LRRCC1: variants seen among roughly 807,000 people sequenced by gnomAD.
LRRCC1 encodes the protein leucine-rich repeat and coiled-coil domain-containing protein 1.
LRRCC1 carries 115 observed loss-of-function variants against 126.0 expected under a neutral mutation model. The observed-to-expected ratio is 0.91, with a 90% confidence interval of 0.78 to 1.07. The LOEUF (loss-of-function observed/expected upper bound fraction) is 1.07, where lower values mean the gene tolerates loss of function less well. Ranked by LOEUF, LRRCC1 falls within the 50% of genes least tolerant of loss-of-function variation. The pLI is 0.00. For synonymous variants in LRRCC1, 400 were observed against 393.4 expected, an observed-to-expected ratio of 1.02 and a Z score of -0.20; for missense variants, 1,172 against 1,175.7, an observed-to-expected ratio of 1.00 and a Z score of 0.05.
Position 85,129,390 on chromosome 8 carries a change from A to T in LRRCC1, c.1626+11A>T. On this transcript the variant is annotated intron_variant, in intron 10 of 18. Transcript: ENST00000360375. ...CAGCAGGCAGCACAGGTATTTCTCTATTTTAATATATGAGTAGCACAGATT... is the reference window on the plus strand; with the variant it reads ...CAGCAGGCAGCACAGGTATTTCTCTTTTTTAATATATGAGTAGCACAGATT... 6.3e-7 allele frequency: 1 copy of T among 1,586,636 alleles called. No individual in the cohort carries two copies. The highest frequency in any genetic ancestry group is 2.2e-5 in the East Asian group (1 of 44,744).
chr8:85,107,442 A>C (rs1355612031), intron 1 of LRRCC1, 43 bp downstream of exon 1: 1 of 1,519,466 alleles, frequency 6.6e-7, no homozygotes, highest in Non-Finnish European at 9.0e-7. Context: ...CGCACTCCCC[A>C]GAGCCGGGGC....
intron 18 of LRRCC1, among the ~76,000 whole-genome samples, chr8:85,144,482 T>A (rs1218263898): frequency 7.0e-6 from 1 of 141,990 alleles, no homozygotes; most frequent in East Asian, 2.1e-4. Flanking sequence ...ATATTTTTTT[T>A]TTTTTTGAGA....
Position 85,141,368 on chromosome 8 carries a change from C to T in LRRCC1, c.2841-14C>T, listed in dbSNP as rs1308365185. The stretch of plus-strand genomic sequence containing the variant: ...ATATACACATATATATGTGGATGTT[C>T]TTGTTTTTTTAAGGAATGCAATGGA... On this transcript the variant is annotated splice_polypyrimidine_tract_variant and intron_variant, in intron 17 of 18. Coordinates refer to ENST00000360375, the MANE Select transcript of LRRCC1 (RefSeq NM_033402.5). The T allele has an allele frequency of 1.2e-6, 2 of 1,603,864 alleles. No homozygotes were observed. Among genetic ancestry groups the T allele is most frequent in the East Asian group, 2.2e-5 (1 of 44,688 alleles).
At position 85,129,325 on chromosome 8, in the gene LRRCC1, C is replaced by T. The variant is rs375521750; in HGVS notation, c.1572C>T (p.Leu524=). 1.1e-5 allele frequency: 17 copies of T among 1,611,672 alleles called. No homozygotes were observed. The highest frequency in any genetic ancestry group is 3.4e-5 in the Admixed American group (2 of 59,604). The change falls in exon 10 of 19, where the codon CTC becomes CTT. Residue 524 remains leucine (L), a synonymous_variant. Transcript: ENST00000360375. The part of the protein sequence containing the change: ...QEDHLKHLRT[L]EKTLEKMERQ... ...ATCACCTTAAACACTTAAGAACCCT[C>T]GAAAAAACATTAGAAAAAATGGAGA...
At chr8:85,107,561 G>A in intron 1 of LRRCC1, 162 bp downstream of exon 1, 1 of 569,790 alleles carries the variant, frequency 1.8e-6, no homozygotes. Context: ...AAACTTACCT[G>A]CCGAAGTGCC....
In LRRCC1 at chr8:85,137,639, A is replaced by G. The variant is rs756488688; in HGVS notation, c.2493+12A>G. 1 of 1,422,384 alleles carries G rather than the reference A, an allele frequency of 7.0e-7. No individual in the cohort carries two copies. The highest frequency in any genetic ancestry group is 9.2e-7 in the Non-Finnish European group (1 of 1,084,832). 88.1% of individuals were successfully genotyped at this position (1,422,384 alleles called of 1,614,324 possible). A position where few individuals can be genotyped will look rare whatever the true frequency, so the allele number is the denominator to read the frequency against. ...GAAAATTAAAAGATGTAAGTTTGAC[A>G]TTTTATTTTGGTTAAAGAGCAAATG... is the stretch of plus-strand genomic sequence containing the variant. On this transcript the variant is annotated intron_variant, in intron 15 of 18. Coordinates refer to ENST00000360375, the MANE Select transcript of LRRCC1 (RefSeq NM_033402.5).
At chr8:85,118,989 T>G (rs1218240890) in intron 6 of LRRCC1, among the ~76,000 whole-genome samples, 1 of 152,180 alleles carries the variant, frequency 6.6e-6, no homozygotes, top group Non-Finnish European at 1.5e-5. Flanking sequence ...TGGTTTTACC[T>G]TTTGCATTTA....
At position 85,141,421 on chromosome 8, in the gene LRRCC1, T is replaced by A. The variant is rs1811243191; in HGVS notation, c.2880T>A (p.Phe960Leu). Residue 960 changes from phenylalanine to leucine, a missense_variant, in exon 18 of 19, where the codon TTT (phenylalanine) becomes TTA (leucine). Phe to Leu is a conservative substitution (Grantham distance 22). Transcript: ENST00000360375. Reference protein sequence around the residue: ...MEKLHSMDDAFKRQVDAIVEA... With the variant: ...MEKLHSMDDALKRQVDAIVEA... ...AACTTCATAGTATGGATGATGCCTT[T>A]AAAAGACAAGTTGATGCAATTGTTG... 1.2e-6 allele frequency: 2 copies of A among 1,613,232 alleles called. No individual in the cohort carries two copies. Among genetic ancestry groups the A allele is most frequent in the South Asian group, 2.2e-5 (2 of 91,014 alleles).
intron 1 of LRRCC1, 117 bp from the exon 2 acceptor site, chr8:85,109,478 G>C: frequency 1.7e-6 from 1 of 603,084 alleles, no homozygotes; most frequent in South Asian, 2.5e-5. Flanking sequence ...AAATAGGAAA[G>C]ATTTCATTCT....
At position 85,117,305 on chromosome 8, in the gene LRRCC1, C is replaced by A. The variant is rs140075430; in HGVS notation, c.930+1721C>A. 5.9e-5 allele frequency among the ~76,000 whole-genome samples: 9 copies of A among 152,332 alleles called. No homozygotes were observed. In the East Asian group the frequency reaches 1.7e-3, roughly 29 times the overall value. ...CAAATTCTTCAACTATGTCATGCTTCTCACTTATGGTGCTAGTTCTTTCTA... is the reference window on the plus strand; with the variant it reads ...CAAATTCTTCAACTATGTCATGCTTATCACTTATGGTGCTAGTTCTTTCTA... On this transcript the variant is annotated intron_variant, in intron 6 of 18. Coordinates refer to ENST00000360375, the MANE Select transcript of LRRCC1 (RefSeq NM_033402.5).
chr8:85,110,226 CAT>C, intron 3 of LRRCC1, 46 bp downstream of exon 3: 1 of 819,140 alleles, frequency 1.2e-6, no homozygotes. Flanking sequence ...TGTTGTGCCA[CAT>C]GTGATAAGTT....
At chr8:85,123,030 A>G (rs1809686903) in intron 6 of LRRCC1, among the ~76,000 whole-genome samples, 2 of 151,928 alleles carry the variant, frequency 1.3e-5, no homozygotes, top group African/African-American at 4.8e-5. Flanking sequence ...TGAGGTTTAG[A>G]CTCTCTGCAT....
chr8:85,141,123 T>A (rs1009345993), intron 17 of LRRCC1, among the ~76,000 whole-genome samples: 1 of 152,128 alleles, frequency 6.6e-6, no homozygotes, highest in Non-Finnish European at 1.5e-5. Flanking sequence ...AACAGAGTAC[T>A]CTAACTTTCA....
intron 14 of LRRCC1, 131 bp downstream of exon 14, chr8:85,136,094 T>C (rs1810840968): frequency 1.5e-6 from 1 of 679,798 alleles, no homozygotes; most frequent in African/African-American, 1.9e-5. Context: ...TCTGGAAGGA[T>C]AAGTAGGCAT....
intron 18 of LRRCC1, among the ~76,000 whole-genome samples, chr8:85,144,459 TATATATATATA>T (rs1811502696): frequency 4.1e-4 from 20 of 48,334 alleles, no homozygotes; most frequent in African/African-American, 1.6e-3. Flanking sequence ...TATATATATA[TATATATATATA>T]TATATTTTTT....
chr8:85,122,521 C>T (rs1809635399), intron 6 of LRRCC1, among the ~76,000 whole-genome samples: 1 of 152,270 alleles, frequency 6.6e-6, no homozygotes, highest in South Asian at 2.1e-4. Context: ...CTATTAATCT[C>T]AGTCAGTTTC....
chr8:85,134,137 T>C (rs1203879396), intron 12 of LRRCC1, among the ~76,000 whole-genome samples: 1 of 152,210 alleles, frequency 6.6e-6, no homozygotes, highest in East Asian at 1.9e-4. Flanking sequence ...TCAGTGATTA[T>C]GCCAGTTAAA....
rs199520827 is a variant in LRRCC1, at chr8:85,109,695, C to A, written c.205C>A (p.His69Asn). Residue 69 changes from histidine (H) to asparagine (N), a missense_variant, in exon 2 of 19, where the codon CAT becomes AAT. Coordinates refer to ENST00000360375, the MANE Select transcript of LRRCC1 (RefSeq NM_033402.5). The part of the protein sequence containing the change: ...EAIDHIWNLQ[H>N]LDLSSNQISR... ...CATTGATCATATTTGGAATTTACAA[C>A]ATCTAGATCTGTCATCTAATCAAAT... The A allele has an allele frequency of 3.7e-6, 6 of 1,603,702 alleles. No homozygotes were observed. The highest frequency in any genetic ancestry group is 1.3e-5 in the African/African-American group (1 of 74,716).
intron 6 of LRRCC1, among the ~76,000 whole-genome samples, chr8:85,116,223 T>C (rs1361050455): frequency 3.9e-5 from 6 of 152,202 alleles, no homozygotes; most frequent in Non-Finnish European, 7.3e-5. Flanking sequence ...GTGGCAGTGG[T>C]TCTCTTGGGT....
Sources: gnomAD v4.1 joint callset for allele counts (sites outside exome capture counted in the v4.1 genomes callset) on GRCh38, gnomAD v4.1.1 for gene constraint, MANE v1.5 for transcripts, NCBI Gene and HGNC (gene_info 2026-07-23, HGNC 2026-07-21) for gene names.